RASEF: variants seen among roughly 807,000 people sequenced by gnomAD.
RASEF encodes ras and EF-hand domain-containing protein.
RASEF carries 68 observed loss-of-function variants against 90.1 expected under a neutral mutation model. The observed-to-expected ratio is 0.75, with a 90% CI of 0.62 to 0.92. RASEF has a LOEUF of 0.92. Among genes scored for constraint, RASEF ranks in the 40% least tolerant of loss-of-function variants. RASEF has a pLI of 0.00. For synonymous variants in RASEF, 331 were observed against 345.2 expected, an observed-to-expected ratio of 0.96 and a Z score of 0.46; for missense variants, 949 against 937.2, an observed-to-expected ratio of 1.01 and a Z score of -0.16.
chr9:83,075,156 G>C, the RASEF span, among the ~76,000 whole-genome samples: 2 of 152,122 alleles, frequency 1.3e-5, no homozygotes, highest in East Asian at 1.9e-4. Context: ...AAAGAATCAT[G>C]ATGTTTATTT....
chr9:83,180,566 T>C, the RASEF span, among the ~76,000 whole-genome samples: 3 of 151,488 alleles, frequency 2.0e-5, no homozygotes, highest in Non-Finnish European at 4.4e-5. Context: ...CACAGAAAAA[T>C]TTCTAGAGCA....
chr9:83,110,027 C>G, the RASEF span, among the ~76,000 whole-genome samples: 1 of 151,864 alleles, frequency 6.6e-6, no homozygotes, highest in Admixed American at 6.6e-5. Flanking sequence ...ATAAGTTTAT[C>G]AAAAAAACAT....
At chr9:83,000,757 T>C (rs2118444757) in intron 10 of RASEF, 139 bp downstream of exon 10, 4 of 924,530 alleles carry the variant, frequency 4.3e-6, no homozygotes, top group East Asian at 2.6e-5. Flanking sequence ...CCTAACTCTG[T>C]GGAGGAAAAA....
Position 83,005,527 on chromosome 9 carries a change from G to C in RASEF, c.1029-27C>G, listed in dbSNP as rs373198956. On this transcript the variant is annotated intron_variant, in intron 7 of 16. Transcript: ENST00000376447. ...TGCAGGGTAAAGAAACAAGCAGAAA[G>C]AGAGACAAGGAAAGTATCATTGGGG... 5.2e-6 allele frequency: 8 copies of C among 1,539,192 alleles called. No individual in the cohort carries two copies. In the African/African-American group the frequency reaches 1.1e-4, roughly 21 times the overall value.
chr9:83,062,497 G>T lies in RASEF; in HGVS notation c.371C>A (p.Pro124His). ...CTGGAAATCCTGCCAAGCCCGGCCG[G>T]GACTCGCCGGGCCGCACGAGGTGGC... ...ALATSCGPAS[P>H]GRAWQDFQAR... The change falls in exon 1 of 17, where the codon CCC becomes CAC. Residue 124 changes from proline to histidine, a missense_variant. Transcript: ENST00000376447. The T allele has an allele frequency of 6.2e-7, 1 of 1,611,628 alleles. No individual in the cohort carries two copies. Among genetic ancestry groups the T allele is most frequent in the Non-Finnish European group, 8.5e-7 (1 of 1,179,308 alleles).
the RASEF span, among the ~76,000 whole-genome samples, chr9:83,190,331 C>G: frequency 3.3e-5 from 5 of 151,932 alleles, no homozygotes; most frequent in Non-Finnish European, 5.9e-5. Flanking sequence ...TTTTTTTAAA[C>G]TAAACCATTT....
At chr9:83,094,783 G>A in the RASEF span, among the ~76,000 whole-genome samples, 3 of 152,158 alleles carry the variant, frequency 2.0e-5, no homozygotes, top group African/African-American at 7.2e-5. Context: ...GTTATTAAAT[G>A]GGACAATGAT....
chr9:83,064,744 C>T (rs1157185502), upstream of RASEF, among the ~76,000 whole-genome samples: 2 of 152,104 alleles, frequency 1.3e-5, no homozygotes, highest in African/African-American at 2.4e-5. Context: ...TTGCCCTTTC[C>T]CTAAGCCCCT....
chr9:83,097,884 G>C, the RASEF span, among the ~76,000 whole-genome samples: 1 of 152,166 alleles, frequency 6.6e-6, no homozygotes, highest in Non-Finnish European at 1.5e-5. Flanking sequence ...CAGTTGAGAA[G>C]TGCCTAAGTA....
the RASEF span, among the ~76,000 whole-genome samples, chr9:83,146,882 C>T: frequency 6.6e-6 from 1 of 151,918 alleles, no homozygotes; most frequent in African/African-American, 2.4e-5. Flanking sequence ...AAAAATTAAC[C>T]ATCTTAGTAT....
the RASEF span, among the ~76,000 whole-genome samples, chr9:83,200,767 A>C: frequency 6.6e-6 from 1 of 152,176 alleles, no homozygotes; most frequent in Non-Finnish European, 1.5e-5. Context: ...AGCTTGCTAC[A>C]TGAATTAGTT....
At chr9:82,996,531 C>T (rs1828921731) in intron 14 of RASEF, among the ~76,000 whole-genome samples, 1 of 152,022 alleles carries the variant, frequency 6.6e-6, no homozygotes, top group Admixed American at 6.5e-5. Flanking sequence ...TCTAAAGATC[C>T]CAAATCACTA....
At chr9:82,987,978 TG>T (rs1162869978) in intron 16 of RASEF, among the ~76,000 whole-genome samples, 2 of 152,214 alleles carry the variant, frequency 1.3e-5, no homozygotes, top group African/African-American at 4.8e-5. Flanking sequence ...TACTGCTGCA[TG>T]GGAGCAGCAA....
intron 1 of RASEF, among the ~76,000 whole-genome samples, chr9:83,049,529 C>CCT (rs1491413147): frequency 1.0e-5 from 1 of 99,084 alleles, no homozygotes; most frequent in Non-Finnish European, 1.8e-5. Context: ...TTCTGCCTTC[C>CCT]TTTTTTTTTT....
At chr9:83,212,145 A>C in the RASEF span, among the ~76,000 whole-genome samples, 1 of 152,244 alleles carries the variant, frequency 6.6e-6, no homozygotes, top group Non-Finnish European at 1.5e-5. Context: ...ACAAAATAAT[A>C]ACAGTAGCTG....
At position 82,981,053 on chromosome 9, in the gene RASEF, C is replaced by A. The variant is rs553580767; in HGVS notation, c.*1624G>T. 1 of 152,050 alleles carries A rather than the reference C, an allele frequency of 6.6e-6. No individual in the cohort carries two copies. Among genetic ancestry groups the A allele is most frequent in the East Asian group, 1.9e-4 (1 of 5,194 alleles). 9.4% of individuals were successfully genotyped at this position (152,050 alleles called of 1,614,324 possible). On this transcript the variant is annotated 3_prime_UTR_variant, in exon 17 of 17. Coordinates refer to ENST00000376447, the MANE Select transcript of RASEF (RefSeq NM_152573.4). ...GAATTTAAGGTTCTATCACAAACAC[C>A]GTGAACAGAAAAAAGATTGCTACAT... is the stretch of plus-strand genomic sequence containing the variant.
intron 1 of RASEF, among the ~76,000 whole-genome samples, chr9:83,057,292 A>C (rs1242950419): frequency 6.6e-6 from 1 of 152,194 alleles, no homozygotes; most frequent in African/African-American, 2.4e-5. Flanking sequence ...GAAAACCCTA[A>C]AGACTCCTAT....
Position 82,980,487 on chromosome 9 carries a change from G to A in RASEF, c.*2190C>T, listed in dbSNP as rs908003237. The A allele has an allele frequency of 6.6e-6, 1 of 152,246 alleles. No homozygotes were observed. Among genetic ancestry groups the A allele is most frequent in the East Asian group, 1.9e-4 (1 of 5,192 alleles). 9.4% of individuals were successfully genotyped at this position (152,246 alleles called of 1,614,324 possible). A position where few individuals can be genotyped will look rare whatever the true frequency, so the allele number is the denominator to read the frequency against. On this transcript the variant is annotated 3_prime_UTR_variant, in exon 17 of 17. Transcript: ENST00000376447. ...GCACTGGTGTAATCTCATCAACGTG[G>A]CTATACTGACAGGACAATCCAGAGG...
chr9:83,200,423 A>T, the RASEF span, among the ~76,000 whole-genome samples: 68 of 152,242 alleles, frequency 4.5e-4, no homozygotes, highest in African/African-American at 1.6e-3. Context: ...TTCTAAAAAG[A>T]TGCACAAACA....
Sources: allele counts gnomAD v4.1 joint callset (sites outside exome capture counted in the v4.1 genomes callset), GRCh38; gene constraint gnomAD v4.1.1; transcripts MANE v1.5; gene names NCBI Gene and HGNC (gene_info 2026-07-23, HGNC 2026-07-21).